PPP1R16B: variants seen among roughly 807,000 people sequenced by gnomAD.
PPP1R16B encodes protein phosphatase 1 regulatory subunit 16B.
PPP1R16B carries 14 observed loss-of-function variants against 61.7 expected under a neutral mutation model. That is an observed-to-expected ratio of 0.23 (90% CI 0.15 to 0.35). The LOEUF is 0.35. Among genes scored for constraint, PPP1R16B ranks in the 10% least tolerant of loss-of-function variants. The probability of loss-of-function intolerance (pLI) is 1.00; values close to 1 mark genes in which losing one functional copy is unlikely to be tolerated. For missense variants in PPP1R16B, 547 were observed against 752.5 expected (o/e 0.73, Z 3.19); for synonymous variants, 266 against 305.3 (o/e 0.87, Z 1.34).
At chr20:38,847,932 T>A (rs967968615) in intron 2 of PPP1R16B, among the ~76,000 whole-genome samples, 9 of 152,248 alleles carry the variant, frequency 5.9e-5, no homozygotes, top group African/African-American at 2.2e-4. Flanking sequence ...TTTCTTTTTT[T>A]AAAATCATTT....
At chr20:38,810,546 T>C (rs948522288) in intron 1 of PPP1R16B, among the ~76,000 whole-genome samples, 5 of 152,196 alleles carry the variant, frequency 3.3e-5, no homozygotes, top group Non-Finnish European at 7.3e-5. Context: ...TCCCTCTTCC[T>C]GAGATGCTTT....
chr20:38,833,050 T>C (rs1421225023), intron 1 of PPP1R16B, among the ~76,000 whole-genome samples: 1 of 152,156 alleles, frequency 6.6e-6, no homozygotes, highest in South Asian at 2.1e-4. Context: ...CTGGAAACGA[T>C]GCAGATGTTC....
At chr20:38,892,423 C>G (rs1441391159) in intron 3 of PPP1R16B, among the ~76,000 whole-genome samples, 2 of 152,116 alleles carry the variant, frequency 1.3e-5, no homozygotes, top group African/African-American at 2.4e-5. Context: ...CGCACCTCAC[C>G]CCAACCACCA....
At chr20:38,913,475 A>G (rs542665674) in intron 10 of PPP1R16B, among the ~76,000 whole-genome samples, 1 of 151,988 alleles carries the variant, frequency 6.6e-6, no homozygotes, top group Admixed American at 6.6e-5. Context: ...GCTGGCCAGG[A>G]TGGTCTCAAT....
intron 4 of PPP1R16B, 59 bp from the exon 5 acceptor site, chr20:38,900,522 G>A (rs1376450633): frequency 1.0e-5 from 14 of 1,381,120 alleles, no homozygotes; most frequent in Non-Finnish European, 1.3e-5. Flanking sequence ...GAGGGCAGAG[G>A]CAGCTAGACC....
chr20:38,816,639 C>T (rs187664548), intron 1 of PPP1R16B, among the ~76,000 whole-genome samples: 1 of 152,338 alleles, frequency 6.6e-6, no homozygotes, highest in African/African-American at 2.4e-5. Flanking sequence ...GCTCTTCATT[C>T]ACTTGAGACA....
rs150544542 is a variant in PPP1R16B at position 38,900,705 on chromosome 20, A to G, written c.571+21A>G. Reference sequence around the variant, plus strand: ...CCAGGGTAAGGGAGGGCAGCCTGCTATGAAGTGAGCACAGCACAGAGTTGC... The same window carrying G: ...CCAGGGTAAGGGAGGGCAGCCTGCTGTGAAGTGAGCACAGCACAGAGTTGC... On this transcript the variant is annotated intron_variant, in intron 5 of 10. Coordinates refer to ENST00000299824, the MANE Select transcript of PPP1R16B (RefSeq NM_015568.4). The G allele has an allele frequency of 1.6e-4, 251 of 1,542,638 alleles. No individual in the cohort carries two copies. In the African/African-American group the frequency reaches 3.3e-3, roughly 20 times the overall value.
intron 4 of PPP1R16B, among the ~76,000 whole-genome samples, chr20:38,898,989 TA>T (rs1568680826): frequency 6.6e-6 from 1 of 152,182 alleles, no homozygotes; most frequent in Non-Finnish European, 1.5e-5. Context: ...CCAGGGGTTT[TA>T]AGTACCAGAG....
intron 2 of PPP1R16B, among the ~76,000 whole-genome samples, chr20:38,884,837 T>G (rs1449797069): frequency 6.6e-6 from 1 of 151,534 alleles, no homozygotes; most frequent in Admixed American, 6.6e-5. Context: ...TTTGGGGGGC[T>G]GAGGCAGGCA....
intron 2 of PPP1R16B, among the ~76,000 whole-genome samples, chr20:38,887,891 G>A (rs1464465243): frequency 1.3e-5 from 2 of 152,198 alleles, no homozygotes; most frequent in Non-Finnish European, 2.9e-5. Context: ...TGGGACTGTG[G>A]TTTGGGAGCT....
chr20:38,835,120 G>T (rs556860973), intron 1 of PPP1R16B, among the ~76,000 whole-genome samples: 156 of 152,298 alleles, frequency 1.0e-3, no homozygotes, highest in African/African-American at 3.5e-3. Context: ...TCCCTATGGG[G>T]TTCCCAGACC....
At chr20:38,854,675 G>A (rs1454859664) in intron 2 of PPP1R16B, among the ~76,000 whole-genome samples, 1 of 152,110 alleles carries the variant, frequency 6.6e-6, no homozygotes, top group Non-Finnish European at 1.5e-5. Context: ...AACCTCTTTT[G>A]GACTCAGATT....
At position 38,920,236 on chromosome 20, in the gene PPP1R16B, C is replaced by T; in HGVS notation, c.*1570C>T. 6.5e-6 allele frequency: 1 copy of T among 152,842 alleles called. No individual in the cohort carries two copies. The highest frequency in any genetic ancestry group is 6.5e-5 in the Admixed American group (1 of 15,296). The allele number at this position is 152,842 out of a possible 1,614,324, so 9.5% of individuals were successfully genotyped here. On this transcript the variant is annotated 3_prime_UTR_variant, in exon 11 of 11. Transcript: ENST00000299824. The stretch of plus-strand genomic sequence containing the variant: ...CCATGGCATGGGCACTGCCCACAGG[C>T]TCAGCCAGAACCTCTTGGTGTACCC...
intron 1 of PPP1R16B, among the ~76,000 whole-genome samples, chr20:38,819,956 A>T (rs2084762353): frequency 6.6e-6 from 1 of 152,120 alleles, no homozygotes; most frequent in Non-Finnish European, 1.5e-5. Context: ...GTCCCTTTCC[A>T]GTCACTCCCT....
intron 3 of PPP1R16B, among the ~76,000 whole-genome samples, chr20:38,890,227 G>A (rs1167768736): frequency 1.3e-5 from 2 of 152,218 alleles, no homozygotes; most frequent in Non-Finnish European, 2.9e-5. Context: ...GTCTGGCTCT[G>A]CCATAATTCT....
At chr20:38,809,997 A>C (rs1201721031) in intron 1 of PPP1R16B, among the ~76,000 whole-genome samples, 2 of 150,556 alleles carry the variant, frequency 1.3e-5, no homozygotes, top group East Asian at 1.9e-4. Flanking sequence ...AAAAAAAAAA[A>C]AAAAAAAAAC....
In PPP1R16B at chr20:38,921,093, C is replaced by T. The variant is rs1019452345; in HGVS notation, c.*2427C>T. On this transcript the variant is annotated 3_prime_UTR_variant, in exon 11 of 11. Transcript: ENST00000299824. ...CATGCCTCCTGCCTCCTGGGCTATTCCTCTCCACCCAGAAGGCTGGGAATC... is the reference window on the plus strand; with the variant it reads ...CATGCCTCCTGCCTCCTGGGCTATTTCTCTCCACCCAGAAGGCTGGGAATC... 1 of 152,244 alleles carries T rather than the reference C, an allele frequency of 6.6e-6. No individual in the cohort carries two copies. Among genetic ancestry groups the T allele is most frequent in the Non-Finnish European group, 1.5e-5 (1 of 68,064 alleles). The allele number at this position is 152,244 out of a possible 1,614,324, so 9.4% of individuals were successfully genotyped here.
intron 2 of PPP1R16B, among the ~76,000 whole-genome samples, chr20:38,885,719 GT>G (rs1400464379): frequency 1.3e-5 from 2 of 152,158 alleles, no homozygotes; most frequent in Non-Finnish European, 2.9e-5. Flanking sequence ...AAATAAAGTG[GT>G]TCTGAATTGA....
intron 6 of PPP1R16B, among the ~76,000 whole-genome samples, chr20:38,903,108 C>G (rs1007125719): frequency 6.6e-6 from 1 of 152,168 alleles, no homozygotes; most frequent in African/African-American, 2.4e-5. Context: ...GCACTCTAGC[C>G]TGGGTGACAG....
Sources: gnomAD v4.1 joint callset for allele counts (sites outside exome capture counted in the v4.1 genomes callset) on GRCh38, gnomAD v4.1.1 for gene constraint, MANE v1.5 for transcripts, NCBI Gene and HGNC (gene_info 2026-07-23, HGNC 2026-07-21) for gene names.